Variants in NT5DC3 observed in about 807,000 individuals in gnomAD.
NT5DC3 encodes 5'-nucleotidase domain-containing protein 3.
NT5DC3 carries 42 observed loss-of-function variants against 67.8 expected under a neutral mutation model. That is an observed-to-expected ratio of 0.62 (90% CI 0.48 to 0.80). The LOEUF is 0.80. Ranked by LOEUF, NT5DC3 falls within the 30% of genes least tolerant of loss-of-function variation. The probability of loss-of-function intolerance (pLI) is 0.00; values close to 1 mark genes in which losing one functional copy is unlikely to be tolerated. For synonymous variants in NT5DC3, 237 were observed against 255.6 expected (o/e 0.93, Z 0.69); for missense variants, 570 against 696.4 (o/e 0.82, Z 2.04).
intron 1 of NT5DC3, among the ~76,000 whole-genome samples, chr12:103,838,163 G>A (rs1439737627): frequency 6.6e-6 from 1 of 152,162 alleles, no homozygotes; most frequent in East Asian, 1.9e-4. Flanking sequence ...ACTATCATGA[G>A]AATAGCACAA....
chr12:103,754,961 AT>A, the NT5DC3 span: 8 of 218,824 alleles, frequency 3.7e-5, no homozygotes, highest in South Asian at 1.0e-4. Context: ...AAAAAAAAAA[AT>A]TTGAGTTCTA....
rs779415253 is a variant in NT5DC3 at position 103,793,167 on chromosome 12, CGCT to C, written c.1013_1015del (p.Lys338del). The C allele has an allele frequency of 5.0e-5, 80 of 1,592,170 alleles. No individual in the cohort carries two copies. The East Asian group carries it at 1.1e-3, about 21-fold the overall frequency. On this transcript the variant is annotated inframe_deletion, in exon 9 of 14. Transcript: ENST00000392876. ...CCCTAGAAAAATAAACACTCACCTC[CGCT>C]TATCATTAAAGAAGTTTGGCTTCTC...
At chr12:103,818,553 T>C (rs1374715834) in intron 1 of NT5DC3, among the ~76,000 whole-genome samples, 2 of 152,058 alleles carry the variant, frequency 1.3e-5, no homozygotes, top group African/African-American at 4.8e-5. Context: ...TTTTTGTATT[T>C]TTAGTAGAGA....
chr12:103,804,878 CCTGT>C (rs1458509820), intron 4 of NT5DC3, among the ~76,000 whole-genome samples: 2 of 152,118 alleles, frequency 1.3e-5, no homozygotes, highest in African/African-American at 4.8e-5. Flanking sequence ...ATGGTGAAAC[CCTGT>C]CTCTTTTAAA....
chr12:103,747,037 A>G, the NT5DC3 span, among the ~76,000 whole-genome samples: 1 of 144,668 alleles, frequency 6.9e-6, no homozygotes, highest in African/African-American at 2.6e-5. Context: ...GCTCACTGCA[A>G]CCTCCGCTTC....
chr12:103,806,520 T>C, intron 3 of NT5DC3, 143 bp from the exon 4 acceptor site: 1 of 666,406 alleles, frequency 1.5e-6, no homozygotes, highest in Non-Finnish European at 2.7e-6. Context: ...AAAGGGTTGC[T>C]TGTTAATTAA....
intron 2 of NT5DC3, among the ~76,000 whole-genome samples, chr12:103,807,540 C>T (rs752514499): frequency 2.6e-5 from 4 of 152,226 alleles, no homozygotes; most frequent in Non-Finnish European, 4.4e-5. Flanking sequence ...CCACTGCCCA[C>T]CCTCCAGCTG....
At chr12:103,763,728 G>A in the NT5DC3 span, 1 of 982,830 alleles carries the variant, frequency 1.0e-6, no homozygotes, top group Non-Finnish European at 1.5e-6. Flanking sequence ...ATGTATGTCA[G>A]GTAACAAGCC....
At chr12:103,767,109 G>A (rs1303713070), downstream of NT5DC3, among the ~76,000 whole-genome samples, 4 of 152,148 alleles carry the variant, frequency 2.6e-5, no homozygotes, top group Non-Finnish European at 5.9e-5. Context: ...ATCAAGATAT[G>A]TCCGTACAAA....
chr12:103,823,008 A>G (rs1887552618), intron 1 of NT5DC3, among the ~76,000 whole-genome samples: 1 of 152,170 alleles, frequency 6.6e-6, no homozygotes, highest in African/African-American at 2.4e-5. Context: ...AGAAGGTGAG[A>G]TACACTTGAA....
the NT5DC3 span, among the ~76,000 whole-genome samples, chr12:103,752,430 T>G: frequency 6.6e-6 from 1 of 152,244 alleles, no homozygotes; most frequent in Non-Finnish European, 1.5e-5. Context: ...ATCATTTTTG[T>G]GGCATTATAC....
chr12:103,748,016 GGAAGAA>G, the NT5DC3 span, among the ~76,000 whole-genome samples: 29 of 148,378 alleles, frequency 2.0e-4, no homozygotes, highest in East Asian at 2.9e-3. Flanking sequence ...AAAAAAAAAG[GGAAGAA>G]GAAGAAGAAA....
intron 1 of NT5DC3, among the ~76,000 whole-genome samples, chr12:103,816,087 C>T (rs1041865470): frequency 3.5e-4 from 54 of 152,296 alleles, no homozygotes; most frequent in Admixed American, 1.3e-3. Flanking sequence ...TGATCCTACA[C>T]TTTTTGAGAA....
At chr12:103,765,603 A>C (rs1192596111), downstream of NT5DC3, among the ~76,000 whole-genome samples, 3 of 152,264 alleles carry the variant, frequency 2.0e-5, no homozygotes, top group South Asian at 2.1e-4. Context: ...CTGGTGTGTC[A>C]CGCAGGCTGG....
chr12:103,750,596 G>A, the NT5DC3 span: 1 of 1,614,212 alleles, frequency 6.2e-7, no homozygotes, highest in Non-Finnish European at 8.5e-7. Context: ...ACAAGTGTGA[G>A]TGTAAAAGTC....
chr12:103,838,289 T>A (rs896538960), intron 1 of NT5DC3, among the ~76,000 whole-genome samples: 2 of 152,136 alleles, frequency 1.3e-5, no homozygotes, highest in African/African-American at 2.4e-5. Context: ...CCAAACCATA[T>A]CACAAGGTGA....
intron 2 of NT5DC3, among the ~76,000 whole-genome samples, chr12:103,808,529 G>A (rs982052019): frequency 3.9e-5 from 6 of 152,306 alleles, no homozygotes; most frequent in Non-Finnish European, 7.3e-5. Context: ...AGGCTGACCC[G>A]CATGTGGCAA....
At chr12:103,805,216 G>A (rs1305836607) in intron 4 of NT5DC3, among the ~76,000 whole-genome samples, 4 of 152,118 alleles carry the variant, frequency 2.6e-5, no homozygotes, top group African/African-American at 4.8e-5. Context: ...ATCTACCACA[G>A]CAGGGACAAT....
intron 10 of NT5DC3, 79 bp from the exon 11 acceptor site, chr12:103,787,606 T>A: frequency 1.4e-6 from 1 of 725,648 alleles, no homozygotes; most frequent in Non-Finnish European, 2.1e-6. Context: ...ATAAAACTTT[T>A]AAAAATTGTT....
Sources: gnomAD v4.1 joint callset for allele counts (sites outside exome capture counted in the v4.1 genomes callset) on GRCh38, gnomAD v4.1.1 for gene constraint, MANE v1.5 for transcripts, NCBI Gene and HGNC (gene_info 2026-07-23, HGNC 2026-07-21) for gene names.